The following REV1 variants were observed in gnomAD, a reference collection of about 807,000 sequenced individuals.
REV1 encodes REV1 DNA directed polymerase, also known as translesion synthesis protein REV1.
Under a neutral mutation model 137.4 loss-of-function variants are expected in REV1, and 42 were observed. That is an observed-to-expected ratio of 0.31 (90% CI 0.24 to 0.40). The LOEUF is 0.40. Ranked by LOEUF, REV1 falls within the 10% of genes least tolerant of loss-of-function variation. The pLI is 1.00. For synonymous variants in REV1, 524 were observed against 519.2 expected, an observed-to-expected ratio of 1.01 and a Z score of -0.12; for missense variants, 1,282 against 1,490.1, an observed-to-expected ratio of 0.86 and a Z score of 2.30.
intron 1 of REV1, among the ~76,000 whole-genome samples, chr2:99,480,764 G>GT (rs762479536): frequency 1.8e-4 from 28 of 152,018 alleles, no homozygotes; most frequent in Admixed American, 1.4e-3. Context: ...TCTATTAAAT[G>GT]TAATTCCAAA....
At chr2:99,413,275 T>C (rs1406900685) in intron 12 of REV1, among the ~76,000 whole-genome samples, 1 of 152,190 alleles carries the variant, frequency 6.6e-6, no homozygotes, top group African/African-American at 2.4e-5. Flanking sequence ...AGTCACAAAA[T>C]CAACTAAGGA....
chr2:99,413,621 A>G (rs1049761894), intron 12 of REV1, among the ~76,000 whole-genome samples: 3 of 152,126 alleles, frequency 2.0e-5, no homozygotes, highest in Admixed American at 6.6e-5. Context: ...AGCAGTCCCT[A>G]TGTCCTATTC....
chr2:99,446,944 A>T (rs1682302784), intron 4 of REV1, among the ~76,000 whole-genome samples: 1 of 152,118 alleles, frequency 6.6e-6, no homozygotes, highest in Non-Finnish European at 1.5e-5. Context: ...ACACAGCTCA[A>T]CTCTGAGTGA....
chr2:99,471,670 T>C (rs1007353533), intron 1 of REV1, among the ~76,000 whole-genome samples: 1 of 151,986 alleles, frequency 6.6e-6, no homozygotes, highest in Non-Finnish European at 1.5e-5. Flanking sequence ...AAGGGGTTCA[T>C]ACACTTACCA....
chr2:99,454,771 CCTA>C (rs1266029464), intron 3 of REV1, among the ~76,000 whole-genome samples: 3 of 152,094 alleles, frequency 2.0e-5, no homozygotes, highest in East Asian at 3.9e-4. Flanking sequence ...CCACAATACT[CCTA>C]CTATTAGTTT....
intron 5 of REV1, 51 bp downstream of exon 5, chr2:99,442,266 A>AG (rs769025905): frequency 1.4e-6 from 2 of 1,398,294 alleles, no homozygotes; most frequent in East Asian, 5.0e-5. Flanking sequence ...AAAAAAAAAA[A>AG]AAAAAAAAAA....
intron 8 of REV1, among the ~76,000 whole-genome samples, chr2:99,433,718 C>CA (rs879349647): frequency 4.6e-5 from 7 of 151,744 alleles, no homozygotes; most frequent in Non-Finnish European, 7.4e-5. Flanking sequence ...AATCAGTTAC[C>CA]AAAAAAAATT....
At chr2:99,448,207 AAAGC>A (rs1357276377) in intron 4 of REV1, among the ~76,000 whole-genome samples, 3 of 152,214 alleles carry the variant, frequency 2.0e-5, no homozygotes, top group African/African-American at 7.2e-5. Flanking sequence ...ATAATTAGTA[AAAGC>A]AAGAACTAGA....
At position 99,457,821 on chromosome 2, in the gene REV1, T is replaced by G. The variant is rs975094464; in HGVS notation, c.181+4675A>C. On this transcript the variant is annotated intron_variant, in intron 3 of 22. Coordinates refer to ENST00000258428, the MANE Select transcript of REV1 (RefSeq NM_016316.4). ...CACATAGGTACAGTATTTGATATAG[T>G]GTGGTACTGGTGAAGGAACAGACAC... Among the ~76,000 whole-genome samples, 8 of 152,218 alleles carry G rather than the reference T, an allele frequency of 5.3e-5. 1 individual carries two copies. Among genetic ancestry groups the G allele is most frequent in the Admixed American group, 5.2e-4 (8 of 15,272 alleles).
rs747551678 is a variant in REV1 at position 99,438,632 on chromosome 2, T to C, written c.1182A>G (p.Thr394=). The C allele has an allele frequency of 6.2e-7, 1 of 1,613,772 alleles. No homozygotes were observed. The highest frequency in any genetic ancestry group is 1.7e-5 in the Admixed American group (1 of 60,026). Residue 394 remains threonine (T), a synonymous_variant, in exon 6 of 23, where the codon ACA becomes ACG. Transcript: ENST00000258428. The stretch of plus-strand genomic sequence containing the variant: ...CAGTTACAACAAGTGCAGACCTGCC[T>C]GTTTTCATTTTTTTTAACTTTTCCC... ...PGREKLKKMK[T]GRSALVVTDT... is the part of the protein sequence containing the mutation.
chr2:99,449,233 C>G (rs1682627471), intron 4 of REV1, 103 bp downstream of exon 4: 2 of 623,648 alleles, frequency 3.2e-6, no homozygotes, highest in Non-Finnish European at 4.5e-6. Flanking sequence ...CCACTGCACT[C>G]TAGCCTGGGC....
intron 3 of REV1, among the ~76,000 whole-genome samples, chr2:99,459,422 T>C (rs1420703684): frequency 6.6e-6 from 1 of 151,988 alleles, no homozygotes; most frequent in African/African-American, 2.4e-5. Flanking sequence ...AAAAAATGGA[T>C]AGGCCAGCCA....
chr2:99,424,033 T>C, intron 10 of REV1, 119 bp downstream of exon 10: 2 of 1,095,336 alleles, frequency 1.8e-6, no homozygotes, highest in Non-Finnish European at 2.6e-6. Context: ...GAGTGGTTCC[T>C]GGAAGATAAA....
chr2:99,414,379 C>T (rs1304978212), intron 12 of REV1, among the ~76,000 whole-genome samples: 1 of 151,960 alleles, frequency 6.6e-6, no homozygotes, highest in African/African-American at 2.4e-5. Flanking sequence ...TAAGCGTGCT[C>T]GTTCACAATT....
intron 4 of REV1, among the ~76,000 whole-genome samples, chr2:99,446,291 C>G (rs1408819818): frequency 6.6e-6 from 1 of 152,128 alleles, no homozygotes; most frequent in East Asian, 1.9e-4. Context: ...CAAAATGAGG[C>G]CCATAGGATA....
intron 3 of REV1, among the ~76,000 whole-genome samples, chr2:99,462,243 G>C (rs985845413): frequency 6.6e-6 from 1 of 152,256 alleles, no homozygotes; most frequent in South Asian, 2.1e-4. Flanking sequence ...CTACCCATGT[G>C]TGGTAATTTC....
At position 99,404,674 on chromosome 2, in the gene REV1, C is replaced by G. The variant is rs1676024379; in HGVS notation, c.2815G>C (p.Asp939His). 6.2e-7 allele frequency: 1 copy of G among 1,608,630 alleles called. No individual in the cohort carries two copies. The highest frequency in any genetic ancestry group is 8.5e-7 in the Non-Finnish European group (1 of 1,177,826). The change falls in exon 18 of 23, where the codon GAT becomes CAT. Residue 939 changes from aspartate (D) to histidine (H), a missense_variant. Physicochemically the swap from Asp to His is moderately conservative, Grantham distance 81. This residue lies in a region of REV1 where 135 missense variants were observed against 123.3 expected (regional missense o/e 1.10). Transcript: ENST00000258428. The part of the protein sequence containing the change: ...SIEVPSPSQL[D>H]QSVLEALPPD... ...GGAAGTGCTTCTAAAACAGACTGAT[C>G]CAGCTATAAAATGCCAAACATATGA...
chr2:99,489,735 G>C (rs1456113876), intron 1 of REV1, 82 bp downstream of exon 1: 1 of 106,098 alleles, frequency 9.4e-6, no homozygotes, highest in Admixed American at 7.7e-5. Context: ...GGCCGCTGCC[G>C]GGCGGGTCTG....
chr2:99,430,810 T>C (rs747523131), intron 8 of REV1, among the ~76,000 whole-genome samples: 45 of 152,114 alleles, frequency 3.0e-4, no homozygotes, highest in Non-Finnish European at 6.0e-4. Flanking sequence ...AACTTCATCA[T>C]AGGTCTCTTG....
Sources: gnomAD v4.1 joint callset for allele counts (sites outside exome capture counted in the v4.1 genomes callset) on GRCh38, gnomAD v4.1.1 for gene constraint, gnomAD v4.1.1 regional missense constraint, MANE v1.5 for transcripts, NCBI Gene and HGNC (gene_info 2026-07-23, HGNC 2026-07-21) for gene names.